Variants in TENM3 observed in about 807,000 individuals in gnomAD.
The protein encoded by TENM3 is teneurin transmembrane protein 3, also known as teneurin-3.
In TENM3, 63 loss-of-function variants were observed where a neutral mutation model predicts 255.1. That is an observed-to-expected ratio of 0.25 (90% CI 0.20 to 0.30). The LOEUF (loss-of-function observed/expected upper bound fraction) is 0.30, where lower values mean the gene tolerates loss of function less well. TENM3 is among the 10% of genes least tolerant of loss of function. The pLI is 1.00. For synonymous variants in TENM3, 1,306 were observed against 1,322.3 expected (o/e 0.99, Z 0.27); for missense variants, 2,929 against 3,461.1 (o/e 0.85, Z 3.86).
At chr4:182,081,699 A>G in the TENM3 span, 1 of 152,144 alleles carries the variant, frequency 6.6e-6, no homozygotes, top group Non-Finnish European at 1.5e-5. Flanking sequence ...AGAGAAAACC[A>G]TTAGCCAGAG....
At chr4:182,672,028 C>T (rs1466355902) in intron 6 of TENM3, among the ~76,000 whole-genome samples, 1 of 152,112 alleles carries the variant, frequency 6.6e-6, no homozygotes. Flanking sequence ...TGCCCAGTTC[C>T]ATTCTGTTCC....
intron 1 of TENM3, among the ~76,000 whole-genome samples, chr4:182,221,024 CAA>C (rs1755824309): frequency 6.6e-6 from 1 of 152,140 alleles, no homozygotes; most frequent in Non-Finnish European, 1.5e-5. Context: ...TTATGTATGT[CAA>C]GTTATTTAAA....
intron 3 of TENM3, among the ~76,000 whole-genome samples, chr4:182,483,891 A>G (rs36121911): frequency 0.21 from 31,696 of 151,722 alleles, 3,664 homozygotes; most frequent in Non-Finnish European, 0.26. Context: ...TCTCGCGAGA[A>G]CTCACTCACT....
chr4:181,709,388 A>G, the TENM3 span, among the ~76,000 whole-genome samples: 1 of 152,240 alleles, frequency 6.6e-6, no homozygotes, highest in Admixed American at 6.5e-5. Context: ...ATAATAACAT[A>G]TCAGTGAATG....
the TENM3 span, among the ~76,000 whole-genome samples, chr4:181,593,511 A>G: frequency 6.6e-6 from 1 of 152,224 alleles, no homozygotes; most frequent in Non-Finnish European, 1.5e-5. Flanking sequence ...ACAGTTGTAC[A>G]TATGGTACTC....
the TENM3 span, among the ~76,000 whole-genome samples, chr4:182,064,713 G>A: frequency 6.6e-6 from 1 of 152,142 alleles, no homozygotes; most frequent in Non-Finnish European, 1.5e-5. Context: ...TGCTTGCCCC[G>A]GGGAGAGACT....
the TENM3 span, among the ~76,000 whole-genome samples, chr4:181,701,479 G>A: frequency 2.6e-4 from 40 of 152,048 alleles, no homozygotes; most frequent in Non-Finnish European, 4.7e-4. Flanking sequence ...GTAGTCAGAC[G>A]AGGTAATAGC....
the TENM3 span, among the ~76,000 whole-genome samples, chr4:181,594,737 C>T: frequency 6.6e-6 from 1 of 152,142 alleles, no homozygotes; most frequent in Non-Finnish European, 1.5e-5. Flanking sequence ...TGTACAACTG[C>T]CTTTTAGATA....
chr4:182,448,382 C>T (rs1773113196), intron 3 of TENM3, among the ~76,000 whole-genome samples: 1 of 151,824 alleles, frequency 6.6e-6, no homozygotes, highest in Admixed American at 6.5e-5. Context: ...CCGACCCCTC[C>T]CGCCCCCGAG....
chr4:181,995,309 G>GA, the TENM3 span, among the ~76,000 whole-genome samples: 3 of 151,512 alleles, frequency 2.0e-5, no homozygotes, highest in Admixed American at 6.6e-5. Context: ...AAAAAAGAAA[G>GA]AAAAAAAGAA....
the TENM3 span, among the ~76,000 whole-genome samples, chr4:182,136,768 T>A: frequency 5.8e-3 from 884 of 152,282 alleles, 7 homozygotes; most frequent in African/African-American, 0.02. Flanking sequence ...ACAATGCAAA[T>A]GAGAACACTG....
At chr4:182,016,685 A>G in the TENM3 span, among the ~76,000 whole-genome samples, 1 of 152,206 alleles carries the variant, frequency 6.6e-6, no homozygotes, top group Non-Finnish European at 1.5e-5. Flanking sequence ...AAATATACCC[A>G]TCATATCTTT....
the TENM3 span, among the ~76,000 whole-genome samples, chr4:181,792,852 C>G: frequency 6.6e-6 from 1 of 152,104 alleles, no homozygotes. Context: ...CCTGGCTGAG[C>G]TTTTGTTAGG....
intron 3 of TENM3, among the ~76,000 whole-genome samples, chr4:182,564,232 G>A (rs1743522128): frequency 6.6e-6 from 1 of 151,696 alleles, no homozygotes; most frequent in South Asian, 2.1e-4. Context: ...CCTTCTTTTG[G>A]CTCTACTGAA....
chr4:181,686,161 C>T, the TENM3 span, among the ~76,000 whole-genome samples: 214 of 152,248 alleles, frequency 1.4e-3, 1 homozygote, highest in East Asian at 0.013. Flanking sequence ...GTTTAGAAGT[C>T]AGCAGCTGCA....
chr4:181,510,297 C>T, the TENM3 span, among the ~76,000 whole-genome samples: 1 of 151,998 alleles, frequency 6.6e-6, no homozygotes, highest in Non-Finnish European at 1.5e-5. Context: ...AGAAAACTGA[C>T]CATTCGAACA....
the TENM3 span, among the ~76,000 whole-genome samples, chr4:181,837,277 G>C: frequency 8.5e-5 from 13 of 152,092 alleles, no homozygotes; most frequent in Non-Finnish European, 1.5e-4. Context: ...GTGGTATTGA[G>C]AGCCACTCTT....
intron 1 of TENM3, among the ~76,000 whole-genome samples, chr4:182,320,554 C>T (rs1762992457): frequency 6.6e-6 from 1 of 152,208 alleles, no homozygotes; most frequent in African/African-American, 2.4e-5. Flanking sequence ...GCATTTAGGG[C>T]CCTCCCTAAT....
the TENM3 span, among the ~76,000 whole-genome samples, chr4:181,815,137 T>A: frequency 6.6e-6 from 1 of 151,984 alleles, no homozygotes; most frequent in African/African-American, 2.4e-5. Flanking sequence ...AAATACAACA[T>A]GCAGCTATGG....
Sources: gnomAD v4.1 joint callset for allele counts (sites outside exome capture counted in the v4.1 genomes callset) on GRCh38, gnomAD v4.1.1 for gene constraint, MANE v1.5 for transcripts, NCBI Gene and HGNC (gene_info 2026-07-23, HGNC 2026-07-21) for gene names.